Variants in NXPH1 observed in about 807,000 individuals in gnomAD.
NXPH1 encodes neurexophilin-1.
A neutral mutation model predicts 23.7 loss-of-function variants in NXPH1; 5 were observed. That is an observed-to-expected ratio of 0.21 (90% CI 0.11 to 0.44). The LOEUF is 0.44. NXPH1 is among the 20% of genes least tolerant of loss of function. NXPH1 has a pLI of 0.99. For missense variants in NXPH1, 324 were observed against 321.6 expected, an observed-to-expected ratio of 1.01 and a Z score of -0.06; for synonymous variants, 144 against 122.2, an observed-to-expected ratio of 1.18 and a Z score of -1.18.
At chr7:8,599,291 G>A (rs1265799807) in intron 2 of NXPH1, among the ~76,000 whole-genome samples, 1 of 152,128 alleles carries the variant, frequency 6.6e-6, no homozygotes. Context: ...AATGCCATCA[G>A]CACTCACGAA....
chr7:8,695,174 T>C (rs1583234082), intron 2 of NXPH1, among the ~76,000 whole-genome samples: 1 of 152,226 alleles, frequency 6.6e-6, no homozygotes, highest in Non-Finnish European at 1.5e-5. Context: ...TAATGGTAGG[T>C]ACATTGTGCT....
intron 2 of NXPH1, among the ~76,000 whole-genome samples, chr7:8,739,956 A>C (rs1780332962): frequency 6.6e-6 from 1 of 152,220 alleles, no homozygotes; most frequent in Non-Finnish European, 1.5e-5. Flanking sequence ...ACCATTGTAT[A>C]TGCAGTCCAT....
intron 2 of NXPH1, among the ~76,000 whole-genome samples, chr7:8,682,429 A>G (rs370704342): frequency 9.2e-5 from 14 of 152,316 alleles, no homozygotes; most frequent in African/African-American, 3.4e-4. Context: ...TACAGTACTC[A>G]CACAATGATT....
At chr7:8,436,885 T>C (rs1816204989) in intron 2 of NXPH1, among the ~76,000 whole-genome samples, 1 of 152,212 alleles carries the variant, frequency 6.6e-6, no homozygotes, top group Admixed American at 6.5e-5. Flanking sequence ...TCCCTACAAT[T>C]GACAGCGTTT....
chr7:8,592,760 C>T (rs147686436), intron 2 of NXPH1, among the ~76,000 whole-genome samples: 1,774 of 151,296 alleles, frequency 0.012, 21 homozygotes, highest in South Asian at 0.057. Context: ...GCAGTGTTCC[C>T]GTAATGCTTT....
intron 2 of NXPH1, among the ~76,000 whole-genome samples, chr7:8,692,517 A>G (rs1322164392): frequency 6.6e-6 from 1 of 152,220 alleles, no homozygotes; most frequent in African/African-American, 2.4e-5. Flanking sequence ...TTAACAGAAC[A>G]AGACTTCCTA....
intron 2 of NXPH1, among the ~76,000 whole-genome samples, chr7:8,453,525 G>A (rs983859488): frequency 6.6e-6 from 1 of 152,094 alleles, no homozygotes; most frequent in African/African-American, 2.4e-5. Flanking sequence ...GAGTTGTAAA[G>A]AACCATTTTC....
Position 8,747,029 on chromosome 7 carries a change from C to T in NXPH1, c.55-3979C>T, listed in dbSNP as rs74559824. Among the ~76,000 whole-genome samples the T allele has an allele frequency of 7.2e-3, 1,101 of 152,214 alleles. 17 individuals are homozygous for T. Among genetic ancestry groups the T allele is most frequent in the African/African-American group, 0.024 (1,016 of 41,530 alleles). ...TATCTGGTGATGACAACAGCTAAGA[C>T]GACTATTGAACAGTGTTCCAGGTAC... On this transcript the variant is annotated intron_variant, in intron 2 of 2. Transcript: ENST00000405863.
chr7:8,633,626 C>A (rs1317829143), intron 2 of NXPH1, among the ~76,000 whole-genome samples: 2 of 152,160 alleles, frequency 1.3e-5, no homozygotes, highest in African/African-American at 4.8e-5. Context: ...TAACAAACCA[C>A]TCAACAGGAT....
At chr7:8,727,991 G>C (rs1780085346) in intron 2 of NXPH1, among the ~76,000 whole-genome samples, 1 of 151,074 alleles carries the variant, frequency 6.6e-6, no homozygotes, top group Admixed American at 6.6e-5. Flanking sequence ...TCTTCCATTT[G>C]TTTGTATCCT....
intron 2 of NXPH1, among the ~76,000 whole-genome samples, chr7:8,679,836 C>T (rs1284678867): frequency 6.6e-6 from 1 of 152,244 alleles, no homozygotes; most frequent in Non-Finnish European, 1.5e-5. Flanking sequence ...GCCTGACCAA[C>T]ATGGTGAAAC....
intron 2 of NXPH1, among the ~76,000 whole-genome samples, chr7:8,519,292 A>G (rs867922599): frequency 6.6e-6 from 1 of 152,220 alleles, no homozygotes; most frequent in Non-Finnish European, 1.5e-5. Flanking sequence ...GAGGCAAATG[A>G]CACAAACATT....
At chr7:8,465,002 A>G (rs1053270148) in intron 2 of NXPH1, among the ~76,000 whole-genome samples, 17 of 152,200 alleles carry the variant, frequency 1.1e-4, no homozygotes, top group African/African-American at 3.6e-4. Flanking sequence ...GCAGCCTAAA[A>G]TAATCCAGAT....
intron 2 of NXPH1, among the ~76,000 whole-genome samples, chr7:8,621,521 C>T (rs1229120638): frequency 1.4e-5 from 2 of 144,486 alleles, no homozygotes; most frequent in Non-Finnish European, 1.5e-5. Context: ...AAGTTTCACT[C>T]TTGTTGCCCA....
chr7:8,446,893 C>T (rs1383094045), intron 2 of NXPH1, among the ~76,000 whole-genome samples: 2 of 143,338 alleles, frequency 1.4e-5, no homozygotes, highest in African/African-American at 5.6e-5. Context: ...CCAATGATAA[C>T]TAGAATAGTA....
intron 2 of NXPH1, among the ~76,000 whole-genome samples, chr7:8,586,646 T>C (rs902490881): frequency 2.6e-4 from 39 of 149,782 alleles, no homozygotes; most frequent in South Asian, 1.0e-3. Context: ...TATATATATA[T>C]ACACACACAC....
chr7:8,636,600 T>C (rs750467393), intron 2 of NXPH1, among the ~76,000 whole-genome samples: 2 of 152,136 alleles, frequency 1.3e-5, no homozygotes, highest in Non-Finnish European at 2.9e-5. Flanking sequence ...ATTTAGTGAG[T>C]ATGGCATCCC....
chr7:8,571,446 A>G (rs1818645917), intron 2 of NXPH1, among the ~76,000 whole-genome samples: 1 of 151,862 alleles, frequency 6.6e-6, no homozygotes, highest in Non-Finnish European at 1.5e-5. Flanking sequence ...GAGGTGGGAA[A>G]AAGAACTCAT....
intron 2 of NXPH1, among the ~76,000 whole-genome samples, chr7:8,613,287 C>T (rs968700781): frequency 3.9e-5 from 6 of 151,956 alleles, no homozygotes; most frequent in Non-Finnish European, 5.9e-5. Flanking sequence ...AATCCAGTAA[C>T]TCAAAAGCTT....
Sources: gnomAD v4.1 joint callset for allele counts (sites outside exome capture counted in the v4.1 genomes callset) on GRCh38, gnomAD v4.1.1 for gene constraint, MANE v1.5 for transcripts, NCBI Gene and HGNC (gene_info 2026-07-23, HGNC 2026-07-21) for gene names.